BICRA: variants seen among roughly 807,000 people sequenced by gnomAD.
BICRA encodes BRD4 interacting chromatin remodeling complex associated protein.
Under a neutral mutation model 96.9 loss-of-function variants are expected in BICRA, and 31 were observed. The observed-to-expected ratio is 0.32, with a 90% CI of 0.24 to 0.43. BICRA has a LOEUF of 0.43. BICRA is among the 20% of genes least tolerant of loss of function. The pLI is 1.00. For missense variants in BICRA, 2,283 were observed against 2,190.3 expected, an observed-to-expected ratio of 1.04 and a Z score of -0.84; for synonymous variants, 1,350 against 1,071.8, an observed-to-expected ratio of 1.26 and a Z score of -5.07.
intron 5 of BICRA, chr19:47,679,008 C>G (rs551851318): frequency 3.8e-6 from 1 of 261,028 alleles, no homozygotes; most frequent in East Asian, 6.8e-5. Flanking sequence ...TCCAGTGATC[C>G]TCTCACCTCA....
intron 1 of BICRA, among the ~76,000 whole-genome samples, chr19:47,620,784 G>A (rs1329362429): frequency 6.6e-6 from 1 of 151,178 alleles, no homozygotes; most frequent in Admixed American, 6.6e-5. Context: ...TGGGAATCCC[G>A]ATGAGTGGCG....
intron 1 of BICRA, chr19:47,626,356 C>G (rs1007740258): frequency 6.6e-6 from 1 of 152,526 alleles, no homozygotes; most frequent in Non-Finnish European, 1.5e-5. Flanking sequence ...ACTCTCTTCC[C>G]TGGATGGTCT....
chr19:47,687,150 G>A (rs1199787395), intron 7 of BICRA, among the ~76,000 whole-genome samples: 1 of 152,020 alleles, frequency 6.6e-6, no homozygotes, highest in African/African-American at 2.4e-5. Flanking sequence ...AATAGTAAAC[G>A]TTTCAGGCTT....
intron 1 of BICRA, among the ~76,000 whole-genome samples, chr19:47,630,933 C>G (rs919386986): frequency 2.0e-5 from 3 of 152,072 alleles, no homozygotes; most frequent in East Asian, 1.9e-4. Context: ...TTTCCCCACA[C>G]GAAGTTTTCA....
intron 4 of BICRA, among the ~76,000 whole-genome samples, chr19:47,674,429 G>A (rs1489698792): frequency 6.6e-6 from 1 of 152,156 alleles, no homozygotes; most frequent in African/African-American, 2.4e-5. Context: ...CCCAGAGAAC[G>A]GAACAAAATG....
chr19:47,610,634 T>C (rs1390627037), intron 1 of BICRA, among the ~76,000 whole-genome samples: 1 of 146,254 alleles, frequency 6.8e-6, no homozygotes, highest in Non-Finnish European at 1.5e-5. Flanking sequence ...CACACCTACC[T>C]ACCCACCCCA....
In BICRA at chr19:47,641,181, A is replaced by C. The variant is rs141866147; in HGVS notation, c.-107-29262A>C. ...GTGATCTGCCTGCCTCGGCCTCCCA[A>C]AGTTCTGGGATTACAGACATCAGCC... On this transcript the variant is annotated intron_variant, in intron 1 of 14. Transcript: ENST00000594866. Among the ~76,000 whole-genome samples the C allele has an allele frequency of 1.4e-3, 208 of 150,014 alleles. 1 individual carries two copies. The highest frequency in any genetic ancestry group is 2.8e-3 in the South Asian group (13 of 4,690).
At chr19:47,678,858 G>T in intron 5 of BICRA, 1 of 205,378 alleles carries the variant, frequency 4.9e-6, no homozygotes, top group Non-Finnish European at 9.6e-6. Flanking sequence ...CCAGCCACTT[G>T]CAGGTGGAAT....
At chr19:47,652,296 C>T (rs990762128) in intron 1 of BICRA, among the ~76,000 whole-genome samples, 1 of 152,162 alleles carries the variant, frequency 6.6e-6, no homozygotes. Context: ...AGCAATCCTC[C>T]TACCTCAGCC....
In BICRA at chr19:47,694,314, C is replaced by A; in HGVS notation, c.2483C>A (p.Pro828His). 1 of 1,137,960 alleles carries A rather than the reference C, an allele frequency of 8.8e-7. No homozygotes were observed. The highest frequency in any genetic ancestry group is 1.3e-6 in the Non-Finnish European group (1 of 780,286). 70.5% of individuals were successfully genotyped at this position (1,137,960 alleles called of 1,614,324 possible). A position where few individuals can be genotyped will look rare whatever the true frequency, so the allele number is the denominator to read the frequency against. ...PLHPCPPPQA[P>H]PTLPGIFVIQ... ...CACCCTTGCCCCCCACCCCAGGCCC[C>A]CCCAACTCTGCCTGGCATCTTTGTC... is the stretch of plus-strand genomic sequence containing the variant. The change falls in exon 8 of 15, where the codon CCC becomes CAC. Residue 828 changes from proline (P) to histidine (H), a missense_variant. Physicochemically the swap from Pro to His is moderately conservative, Grantham distance 77. Coordinates refer to ENST00000594866, the MANE Select transcript of BICRA (RefSeq NM_001394372.1).
chr19:47,697,276 G>A (rs1346866231), intron 11 of BICRA, among the ~76,000 whole-genome samples: 1 of 151,722 alleles, frequency 6.6e-6, no homozygotes, highest in East Asian at 1.9e-4. Flanking sequence ...GAGCCACCAC[G>A]CCCAGCCCAC....
At position 47,685,784 on chromosome 19, in the gene BICRA, T is replaced by TGCGCGCGCGCGCGC. The variant is rs1377559075; in HGVS notation, c.2283+3633_2283+3634insCGCGCGCGCGCGCG. On this transcript the variant is annotated intron_variant, in intron 7 of 14. Transcript: ENST00000594866. Reference sequence around the variant, plus strand: ...GTGTGTGTGTGTGTGTGTGTGTGTGTGTGCGCGCGCGCGCGCATGCGTACA... The same window carrying TGCGCGCGCGCGCGC: ...GTGTGTGTGTGTGTGTGTGTGTGTGTGCGCGCGCGCGCGCGTGCGCGCGCGCGCGCATGCGTACA... Among the ~76,000 whole-genome samples the TGCGCGCGCGCGCGC allele has an allele frequency of 1.3e-4, 15 of 115,486 alleles. No homozygotes were observed. In the East Asian group the frequency reaches 1.3e-3, roughly 10 times the overall value. 75.8% of individuals were successfully genotyped at this position (115,486 alleles called of 152,430 possible). A position where few individuals can be genotyped will look rare whatever the true frequency, so the allele number is the denominator to read the frequency against.
intron 1 of BICRA, among the ~76,000 whole-genome samples, chr19:47,647,973 C>T (rs1371855944): frequency 1.3e-5 from 2 of 151,918 alleles, no homozygotes; most frequent in Non-Finnish European, 2.9e-5. Flanking sequence ...CCTGGCATTT[C>T]CTGGGCGGGA....
At chr19:47,609,778 C>T (rs551744222) in intron 1 of BICRA, among the ~76,000 whole-genome samples, 1 of 152,168 alleles carries the variant, frequency 6.6e-6, no homozygotes, top group South Asian at 2.1e-4. Flanking sequence ...GTGGGTGTCG[C>T]GGACAGTGGG....
intron 7 of BICRA, 38 bp from the exon 8 acceptor site, chr19:47,694,077 A>ACCCC: frequency 7.1e-7 from 1 of 1,410,510 alleles, no homozygotes; most frequent in South Asian, 1.5e-5. Context: ...GTTGGTTCTG[A>ACCCC]CCCCCGCCCC....
At chr19:47,618,355 A>G (rs752780306) in intron 1 of BICRA, among the ~76,000 whole-genome samples, 3 of 152,216 alleles carry the variant, frequency 2.0e-5, no homozygotes, top group African/African-American at 2.4e-5. Flanking sequence ...AGTCCAGGTT[A>G]GAGAACTGGA....
At chr19:47,688,304 G>A (rs1973188914) in intron 7 of BICRA, among the ~76,000 whole-genome samples, 2 of 152,092 alleles carry the variant, frequency 1.3e-5, no homozygotes, top group South Asian at 4.1e-4. Context: ...GAATCTCTTG[G>A]TGAACAATCC....
intron 1 of BICRA, among the ~76,000 whole-genome samples, chr19:47,630,144 A>C (rs1972200058): frequency 1.4e-5 from 2 of 143,488 alleles, no homozygotes; most frequent in African/African-American, 5.2e-5. Flanking sequence ...TCTACTCTCT[A>C]TATATTGGCC....
At chr19:47,643,893 C>A (rs1184291912) in intron 1 of BICRA, among the ~76,000 whole-genome samples, 1 of 152,142 alleles carries the variant, frequency 6.6e-6, no homozygotes, top group African/African-American at 2.4e-5. Flanking sequence ...TAATTCTGTT[C>A]CGATGTCCAT....
Sources: allele counts gnomAD v4.1 joint callset (sites outside exome capture counted in the v4.1 genomes callset), GRCh38; gene constraint gnomAD v4.1.1; transcripts MANE v1.5; gene names NCBI Gene and HGNC (gene_info 2026-07-23, HGNC 2026-07-21).